The following AZIN2 variants were observed in gnomAD, a reference collection of about 807,000 sequenced individuals.
AZIN2 encodes ODC antizyme inhibitor-2.
A neutral mutation model predicts 47.8 loss-of-function variants in AZIN2; 28 were observed. The observed-to-expected ratio is 0.59, with a 90% CI of 0.43 to 0.80. The LOEUF is 0.80. Among genes scored for constraint, AZIN2 ranks in the 30% least tolerant of loss-of-function variants. AZIN2 has a pLI of 0.00. For synonymous variants in AZIN2, 221 were observed against 239.4 expected (o/e 0.92, Z 0.71); for missense variants, 535 against 582.5 (o/e 0.92, Z 0.84).
At position 33,083,655 on chromosome 1, in the gene AZIN2, G is replaced by A. The variant is rs558617408; in HGVS notation, c.106-299G>A. On this transcript the variant is annotated intron_variant, in intron 4 of 11. Coordinates refer to ENST00000294517, the MANE Select transcript of AZIN2 (RefSeq NM_052998.4). Reference sequence around the variant, plus strand: ...AGGATTTTGCCAGACACAGGAGTGGGGAGGGTATTCTGCAGGACATGGTGG... The same window carrying A: ...AGGATTTTGCCAGACACAGGAGTGGAGAGGGTATTCTGCAGGACATGGTGG... The A allele has an allele frequency of 2.0e-5, 9 of 449,318 alleles. No individual in the cohort carries two copies. In the East Asian group the frequency reaches 3.1e-4, roughly 15 times the overall value. 27.8% of individuals were successfully genotyped at this position (449,318 alleles called of 1,614,324 possible).
At chr1:33,128,203 CAAAA>C (rs34284839), downstream of AZIN2, among the ~76,000 whole-genome samples, 1 of 83,702 alleles carries the variant, frequency 1.2e-5, no homozygotes. Flanking sequence ...CCCACCTCTC[CAAAA>C]AAAAAAAAAA....
At chr1:33,083,594 T>G in intron 4 of AZIN2, 3 of 342,456 alleles carry the variant, frequency 8.8e-6, no homozygotes, top group Non-Finnish European at 1.1e-5. Flanking sequence ...AGTTGCCTTA[T>G]TGGTTTGGGG....
rs553368602 is a variant in AZIN2 at position 33,081,939 on chromosome 1, A to G, written c.-73+127A>G. On this transcript the variant is annotated intron_variant, in intron 3 of 11. Coordinates refer to ENST00000294517, the MANE Select transcript of AZIN2 (RefSeq NM_052998.4). This position sits in a 1 kb window ranked among gnomAD's most constrained non-coding sequence, Gnocchi z 4.2. Reference sequence around the variant, plus strand: ...TTCAGAACTGGGAAGGCTCTCCAAAACAATTCATCCATTTTACAGAGGGAG... The same window carrying G: ...TTCAGAACTGGGAAGGCTCTCCAAAGCAATTCATCCATTTTACAGAGGGAG... The G allele has an allele frequency of 1.6e-4, 56 of 360,860 alleles. 1 individual carries two copies. Among genetic ancestry groups the G allele is most frequent in the South Asian group, 1.3e-3 (55 of 42,636 alleles). The allele number at this position is 360,860 out of a possible 1,614,324, so 22.4% of individuals were successfully genotyped here. A position where few individuals can be genotyped will look rare whatever the true frequency, so the allele number is the denominator to read the frequency against.
In AZIN2 at chr1:33,092,116, A is replaced by G; in HGVS notation, c.346A>G (p.Lys116Glu). 6.2e-7 allele frequency: 1 copy of G among 1,614,176 alleles called. No individual in the cohort carries two copies. Among genetic ancestry groups the G allele is most frequent in the Non-Finnish European group, 8.5e-7 (1 of 1,180,026 alleles). ...ASKIICANPC[K>E]QIAQIKYAAK... The stretch of plus-strand genomic sequence containing the variant: ...TAAGATCATCTGCGCCAACCCCTGT[A>G]AGCAAATTGCACAGATCAAATATGC... The change falls in exon 6 of 12, where the codon AAG becomes GAG. Residue 116 changes from lysine (K) to glutamate (E), a missense_variant. By Grantham distance (56) the Lys-to-Glu change is moderately conservative (BLOSUM62 1). Around this residue, in one of 3 missense-constraint regions of AZIN2, gnomAD observed 409 missense variants for 429.0 expected, o/e 0.95. Coordinates refer to ENST00000294517, the MANE Select transcript of AZIN2 (RefSeq NM_052998.4).
chr1:33,132,615 T>A, the AZIN2 span, among the ~76,000 whole-genome samples: 1 of 152,246 alleles, frequency 6.6e-6, no homozygotes, highest in Non-Finnish European at 1.5e-5. Flanking sequence ...TCCTTCTCTA[T>A]GCTCCCACAG....
the AZIN2 span, among the ~76,000 whole-genome samples, chr1:33,151,604 C>T: frequency 4.4e-4 from 67 of 152,290 alleles, 1 homozygote; most frequent in African/African-American, 1.4e-3. Flanking sequence ...GCAAAACAAG[C>T]GCAGTCCCTG....
In AZIN2 at chr1:33,120,131, CACAG is replaced by C; in HGVS notation, c.1336_1339del (p.Asp446ProfsTer123). 6.2e-7 allele frequency: 1 copy of C among 1,613,870 alleles called. No homozygotes were observed. The highest frequency in any genetic ancestry group is 8.5e-7 in the Non-Finnish European group (1 of 1,179,810). On this transcript the variant is annotated frameshift_variant, in exon 12 of 12. Transcript: ENST00000294517. LOFTEE classifies it high-confidence loss of function. ...AGCCTCTGTCCTGCGGCTGGGAGAT[CACAG>C]ACACCCTGTGCGTGGGCCCTGTCTT...
chr1:33,149,351 G>A, the AZIN2 span, among the ~76,000 whole-genome samples: 6 of 151,894 alleles, frequency 4.0e-5, no homozygotes, highest in African/African-American at 1.5e-4. Context: ...ACAGGGTTTC[G>A]TCATGTTGGC....
intron 5 of AZIN2, among the ~76,000 whole-genome samples, chr1:33,087,134 AT>A (rs57034814): frequency 0.032 from 4,597 of 142,482 alleles, 180 homozygotes; most frequent in African/African-American, 0.096. Context: ...GATATGTAGT[AT>A]TTTTTTTTTT....
chr1:33,118,174 A>G (rs1301902214), intron 11 of AZIN2, 58 bp downstream of exon 11: 1 of 1,470,492 alleles, frequency 6.8e-7, no homozygotes, highest in Non-Finnish European at 9.0e-7. Flanking sequence ...GAAACGAGGG[A>G]AACTTGAGAT....
At chr1:33,153,198 A>G in the AZIN2 span, among the ~76,000 whole-genome samples, 1 of 152,176 alleles carries the variant, frequency 6.6e-6, no homozygotes, top group Admixed American at 6.5e-5. Flanking sequence ...CACCCCTCCC[A>G]TCTGGACATA....
At chr1:33,084,890 G>A (rs930619584) in intron 5 of AZIN2, among the ~76,000 whole-genome samples, 4 of 152,120 alleles carry the variant, frequency 2.6e-5, no homozygotes, top group Non-Finnish European at 1.5e-5. Flanking sequence ...GTGAGCCACC[G>A]CGCATAGCCA....
intron 10 of AZIN2, among the ~76,000 whole-genome samples, chr1:33,106,775 T>A (rs1570121522): frequency 6.6e-6 from 1 of 152,146 alleles, no homozygotes; most frequent in East Asian, 1.9e-4. Context: ...CTCAACATGA[T>A]AAGGGCCATA....
At chr1:33,127,161 C>T (rs1244751109), downstream of AZIN2, among the ~76,000 whole-genome samples, 5 of 152,216 alleles carry the variant, frequency 3.3e-5, no homozygotes, top group Non-Finnish European at 5.9e-5. Context: ...CTCCTTCCTC[C>T]AAAAGCCTCC....
chr1:33,103,412 G>A (rs1047192914), intron 10 of AZIN2, among the ~76,000 whole-genome samples: 3 of 151,810 alleles, frequency 2.0e-5, no homozygotes, highest in Admixed American at 6.6e-5. Flanking sequence ...GCATTCGCTC[G>A]CCCAGAATGC....
chr1:33,092,257 G>T, intron 6 of AZIN2, 35 bp downstream of exon 6: 1 of 1,543,568 alleles, frequency 6.5e-7, no homozygotes, highest in Non-Finnish European at 8.8e-7. Context: ...AGGCTGGGCT[G>T]TGGGGAGCCT....
intron 10 of AZIN2, among the ~76,000 whole-genome samples, chr1:33,101,343 C>A (rs1251900089): frequency 6.6e-6 from 1 of 152,132 alleles, no homozygotes; most frequent in African/African-American, 2.4e-5. Flanking sequence ...CTGGCCCCCA[C>A]CCTCTTTTTA....
chr1:33,166,360 A>G, the AZIN2 span: 1 of 152,044 alleles, frequency 6.6e-6, no homozygotes, highest in Admixed American at 6.5e-5. Flanking sequence ...TTGTGGAAAA[A>G]TTGTCTTCCA....
rs1644776862 is a variant in AZIN2, at chr1:33,120,736, G to A, written c.*554G>A. Reference sequence around the variant, plus strand: ...GGCCTGGTGCCATAAGGAAGGGGCTGCTGTCAGGGACTGAGATGGGCAGTT... The same window carrying A: ...GGCCTGGTGCCATAAGGAAGGGGCTACTGTCAGGGACTGAGATGGGCAGTT... On this transcript the variant is annotated 3_prime_UTR_variant, in exon 12 of 12. Transcript: ENST00000294517. Among the ~76,000 whole-genome samples the A allele has an allele frequency of 1.3e-5, 2 of 152,218 alleles. No individual in the cohort carries two copies. The highest frequency in any genetic ancestry group is 2.9e-5 in the Non-Finnish European group (2 of 68,034).
Sources: gnomAD v4.1 joint callset for allele counts (sites outside exome capture counted in the v4.1 genomes callset) on GRCh38, gnomAD v4.1.1 for gene constraint, gnomAD v4.1.1 regional missense constraint, Gnocchi (gnomAD v3.1) non-coding constraint, MANE v1.5 for transcripts, NCBI Gene and HGNC (gene_info 2026-07-23, HGNC 2026-07-21) for gene names.